The following MYH6 variants were observed in gnomAD, a reference collection of about 807,000 sequenced individuals.
The protein encoded by MYH6 is myosin-6.
Under a neutral mutation model 223.2 loss-of-function variants are expected in MYH6, and 126 were observed. The ratio of observed to expected loss-of-function variants is 0.56; its 90% CI spans 0.49 to 0.65. MYH6 has a LOEUF of 0.65. Ranked by LOEUF, MYH6 falls within the 30% of genes least tolerant of loss-of-function variation. MYH6 has a pLI of 0.00. For synonymous variants in MYH6, 978 were observed against 1,010.2 expected, an observed-to-expected ratio of 0.97 and a Z score of 0.61; for missense variants, 2,040 against 2,536.4, an observed-to-expected ratio of 0.80 and a Z score of 4.20.
chr14:23,402,493 T>C lies in MYH6; in HGVS notation c.1112A>G (p.Glu371Gly), dbSNP rs397516754. Residue 371 changes from glutamate (E) to glycine (G), a missense_variant, in exon 12 of 39, where the codon GAG becomes GGG. Around this residue, in one of 4 missense-constraint regions of MYH6, gnomAD observed 649 missense variants for 877.3 expected, o/e 0.74. Transcript: ENST00000405093. The part of the protein sequence containing the change: ...GNMKFKQKQR[E>G]EQAEPDGTED... ...GGTGCCGTCTGGCTCCGCCTGCTCC[T>C]CCCGCTGCTTCTGCTTGAACTTCAT... 2 of 1,613,504 alleles carry C rather than the reference T, an allele frequency of 1.2e-6. No homozygotes were observed. The highest frequency in any genetic ancestry group is 1.3e-5 in the African/African-American group (1 of 74,880).
At chr14:23,386,685 G>A in intron 32 of MYH6, 62 bp from the exon 33 acceptor site, 2 of 1,538,640 alleles carry the variant, frequency 1.3e-6, no homozygotes, top group Non-Finnish European at 1.8e-6. Flanking sequence ...GAGGGAGGAT[G>A]AGAAGATACA....
At chr14:23,389,136 C>T in intron 28 of MYH6, 81 bp from the exon 29 acceptor site, 1 of 1,460,502 alleles carries the variant, frequency 6.8e-7, no homozygotes, top group South Asian at 1.4e-5. Context: ...TGTAGTACTT[C>T]AACCAAGCCC....
chr14:23,404,247 T>C (rs1891703703), intron 8 of MYH6, 49 bp downstream of exon 8: 1 of 1,602,378 alleles, frequency 6.2e-7, no homozygotes, highest in African/African-American at 1.3e-5. Context: ...CACCCCCTTT[T>C]TCTTGTCAAG....
In MYH6 at chr14:23,382,330, C is replaced by T. The variant is rs1890885567; in HGVS notation, c.5796+98G>A. The T allele has an allele frequency of 1.9e-6, 3 of 1,567,000 alleles. No homozygotes were observed. The Admixed American group carries it at 5.0e-5, about 26-fold the overall frequency. On this transcript the variant is annotated intron_variant, in intron 38 of 38. Transcript: ENST00000405093. The stretch of plus-strand genomic sequence containing the variant: ...GTAAGCTATGGGACCCTCAGAACTG[C>T]CTACATATAGGGCAAGCAGTGCCCA...
In MYH6 at chr14:23,385,989, C is replaced by T. The variant is rs762103586; in HGVS notation, c.5102G>A (p.Arg1701Gln). ...AATCAGCTCCTGCTCCGCCAGCTTC[C>T]GGGACCGCTCTGTCTGCTCCACCAC... is the stretch of plus-strand genomic sequence containing the variant. The part of the protein sequence containing the change: ...RAVVEQTERS[R>Q]KLAEQELIET... Residue 1701 changes from arginine (R) to glutamine (Q), a missense_variant, in exon 34 of 39, where the codon CGG becomes CAG. Arg to Gln is a conservative substitution (Grantham distance 43). This residue lies in a region of MYH6 where 1,203 missense variants were observed against 1,400.2 expected (regional missense o/e 0.86). Transcript: ENST00000405093. 2.7e-5 allele frequency: 44 copies of T among 1,614,070 alleles called. No individual in the cohort carries two copies. Among genetic ancestry groups the T allele is most frequent in the African/African-American group, 6.7e-5 (5 of 74,924 alleles).
chr14:23,384,826 G>C lies in MYH6; in HGVS notation c.5289+90C>G, dbSNP rs569828358. 5.0e-6 allele frequency: 8 copies of C among 1,613,234 alleles called. No homozygotes were observed. In the East Asian group the frequency reaches 1.8e-4, roughly 36 times the overall value. On this transcript the variant is annotated intron_variant, in intron 35 of 38. Coordinates refer to ENST00000405093, the MANE Select transcript of MYH6 (RefSeq NM_002471.4). ...GCCCTCAAATCCACAGAACTGCAGA[G>C]TTGGCTTGGTGTTACAGCACAGTGG...
intron 28 of MYH6, 134 bp from the exon 29 acceptor site, chr14:23,389,189 G>T: frequency 8.1e-7 from 1 of 1,241,606 alleles, no homozygotes; most frequent in Non-Finnish European, 1.1e-6. Context: ...CTCACTGTTT[G>T]AGGAGTTTCC....
At chr14:23,388,530 G>A in intron 29 of MYH6, 192 bp from the exon 30 acceptor site, 2 of 970,482 alleles carry the variant, frequency 2.1e-6, no homozygotes, top group Non-Finnish European at 3.4e-6. Context: ...CCTACCTGCA[G>A]TGGCATCTGG....
chr14:23,396,455 C>T lies in MYH6; in HGVS notation c.2293-35G>A, dbSNP rs774121194. On this transcript the variant is annotated intron_variant, in intron 19 of 38. Coordinates refer to ENST00000405093, the MANE Select transcript of MYH6 (RefSeq NM_002471.4). ...AGGGGTAGATGCAACAGGCCGCAGC[C>T]TCAGAGGGGAGTATCCAGGGTGGAA... 2.5e-6 allele frequency: 4 copies of T among 1,611,308 alleles called. No homozygotes were observed. The South Asian group carries it at 3.3e-5, about 13-fold the overall frequency.
chr14:23,400,246 A>C lies in MYH6; in HGVS notation c.1581+10T>G. On this transcript the variant is annotated intron_variant, in intron 14 of 38. Coordinates refer to ENST00000405093, the MANE Select transcript of MYH6 (RefSeq NM_002471.4). ...AGGAGGGGGCATAGGTGGTGAGGCCAAGGAGGCACCTTCTCGATGAGGTCA... is the reference window on the plus strand; with the variant it reads ...AGGAGGGGGCATAGGTGGTGAGGCCCAGGAGGCACCTTCTCGATGAGGTCA... 1 of 1,613,848 alleles carries C rather than the reference A, an allele frequency of 6.2e-7. No homozygotes were observed. Among genetic ancestry groups the C allele is most frequent in the East Asian group, 2.2e-5 (1 of 44,874 alleles).
At chr14:23,383,358 G>A (rs1408917341) in intron 36 of MYH6, 38 bp from the exon 37 acceptor site, 2 of 1,464,368 alleles carry the variant, frequency 1.4e-6, no homozygotes, top group South Asian at 2.4e-5. Context: ...GTTTGGAGGG[G>A]GAGCAAATGC....
At position 23,396,341 on chromosome 14, in the gene MYH6, T is replaced by C; in HGVS notation, c.2372A>G (p.Gln791Arg). ...ERLSRIITRMQAQARGQLMRI... is the reference protein window; with the variant it reads ...ERLSRIITRMRAQARGQLMRI... ...CATGAGCTGGCCCCGGGCTTGGGCC[T>C]GCATGCGCGTGATGATGCGGCTCAG... The change falls in exon 20 of 39, where the codon CAG becomes CGG. Residue 791 changes from glutamine to arginine, a missense_variant. Physicochemically the swap from Gln to Arg is conservative, Grantham distance 43 (BLOSUM62 1). This residue lies in a region of MYH6 where 649 missense variants were observed against 877.3 expected (regional missense o/e 0.74). Coordinates refer to ENST00000405093, the MANE Select transcript of MYH6 (RefSeq NM_002471.4). 6.2e-7 allele frequency: 1 copy of C among 1,614,148 alleles called. No homozygotes were observed. The highest frequency in any genetic ancestry group is 2.2e-5 in the East Asian group (1 of 44,888).
chr14:23,406,642 G>A (rs551117374), intron 3 of MYH6, among the ~76,000 whole-genome samples: 1 of 152,344 alleles, frequency 6.6e-6, no homozygotes, highest in South Asian at 2.1e-4. Flanking sequence ...CTTGATTTGG[G>A]TGAACGGAAT....
chr14:23,385,157 A>G, intron 34 of MYH6, 116 bp from the exon 35 acceptor site: 6 of 1,272,694 alleles, frequency 4.7e-6, no homozygotes, highest in Non-Finnish European at 6.7e-6. Context: ...CAACAAGCCC[A>G]CTTTTAGACT....
intron 22 of MYH6, 67 bp downstream of exon 22, chr14:23,393,599 C>A: frequency 6.2e-7 from 1 of 1,614,102 alleles, no homozygotes; most frequent in East Asian, 2.2e-5. Context: ...TGCCAAGGAC[C>A]AGGACAACAC....
chr14:23,400,116 C>T, intron 14 of MYH6, 140 bp downstream of exon 14: 1 of 1,313,350 alleles, frequency 7.6e-7, no homozygotes. Context: ...ATGCCCATGA[C>T]TTCACAGTGG....
chr14:23,400,318 T>C lies in MYH6; in HGVS notation c.1519A>G (p.Ile507Val), dbSNP rs1396093509. 6.2e-7 allele frequency: 1 copy of C among 1,614,214 alleles called. No homozygotes were observed. Among genetic ancestry groups the C allele is most frequent in the South Asian group, 1.1e-5 (1 of 91,084 alleles). The change falls in exon 14 of 39, where the codon ATT becomes GTT. Residue 507 changes from isoleucine to valine, a missense_variant. Ile to Val is a conservative substitution (Grantham distance 29, BLOSUM62 3). Coordinates refer to ENST00000405093, the MANE Select transcript of MYH6 (RefSeq NM_002471.4). ...CCAAAGTCAATGAATGTCCACTCAATGCCCTCCTTCTTGTACTCCTCCTGC... is the reference window on the plus strand; with the variant it reads ...CCAAAGTCAATGAATGTCCACTCAACGCCCTCCTTCTTGTACTCCTCCTGC... ...LEQEEYKKEG[I>V]EWTFIDFGMD... is the part of the protein sequence containing the mutation.
intron 37 of MYH6, among the ~76,000 whole-genome samples, chr14:23,382,780 A>G (rs961442696): frequency 1.3e-5 from 2 of 152,034 alleles, no homozygotes; most frequent in African/African-American, 2.4e-5. Flanking sequence ...CCCCAGACAA[A>G]TCCCATGCTG....
chr14:23,383,419 G>T, intron 36 of MYH6, 99 bp from the exon 37 acceptor site: 1 of 921,786 alleles, frequency 1.1e-6, no homozygotes, highest in Non-Finnish European at 1.7e-6. Flanking sequence ...TGCCTTTGCT[G>T]CCCCTCCCTG....
Sources: gnomAD v4.1 joint callset for allele counts (sites outside exome capture counted in the v4.1 genomes callset) on GRCh38, gnomAD v4.1.1 for gene constraint, gnomAD v4.1.1 regional missense constraint, MANE v1.5 for transcripts, NCBI Gene and HGNC (gene_info 2026-07-23, HGNC 2026-07-21) for gene names.